Variants in SMCO2 observed in about 807,000 individuals in gnomAD.
The protein encoded by SMCO2 is single-pass membrane protein with coiled-coil domains 2, also known as single-pass membrane and coiled-coil domain-containing protein 2.
A neutral mutation model predicts 29.5 loss-of-function variants in SMCO2; 25 were observed. That is an observed-to-expected ratio of 0.85 (90% CI 0.62 to 1.18). The LOEUF is 1.18. Ranked by LOEUF, SMCO2 falls within the 50% of genes most tolerant of loss-of-function variation. The probability of loss-of-function intolerance (pLI) is 0.00; values close to 1 mark genes in which losing one functional copy is unlikely to be tolerated. For missense variants in SMCO2, 348 were observed against 344.5 expected, an observed-to-expected ratio of 1.01 and a Z score of -0.08; for synonymous variants, 117 against 123.3, an observed-to-expected ratio of 0.95 and a Z score of 0.34.
intron 7 of SMCO2, among the ~76,000 whole-genome samples, chr12:27,500,275 G>T (rs550912751): frequency 6.7e-5 from 10 of 149,816 alleles, no homozygotes; most frequent in African/African-American, 2.5e-4. Flanking sequence ...TTACTGTCAA[G>T]AAATAAATAT....
intron 7 of SMCO2, chr12:27,498,327 G>C (rs1444668903): frequency 4.4e-6 from 1 of 228,166 alleles, no homozygotes; most frequent in East Asian, 1.1e-4. Context: ...GAGAAAGAAT[G>C]GAAACTAGGC....
At chr12:27,433,177 CGT>C in the SMCO2 span, among the ~76,000 whole-genome samples, 8 of 151,294 alleles carry the variant, frequency 5.3e-5, 1 homozygote, top group South Asian at 1.5e-3. Flanking sequence ...CACATATAGA[CGT>C]GTGTGTGTGT....
At chr12:27,481,117 C>T (rs962074548) in intron 4 of SMCO2, among the ~76,000 whole-genome samples, 9 of 152,126 alleles carry the variant, frequency 5.9e-5, no homozygotes, top group African/African-American at 1.7e-4. Flanking sequence ...AGAGGGATGT[C>T]GGCAGGGCTT....
the SMCO2 span, among the ~76,000 whole-genome samples, chr12:27,442,336 CAA>C: frequency 1.3e-5 from 2 of 151,914 alleles, no homozygotes; most frequent in South Asian, 4.1e-4. Flanking sequence ...GAAAGAGACT[CAA>C]ATAAATAAAA....
chr12:27,427,040 C>T, the SMCO2 span, among the ~76,000 whole-genome samples: 4,409 of 152,258 alleles, frequency 0.029, 98 homozygotes, highest in Non-Finnish European at 0.046. Context: ...TCTTAAGAGA[C>T]TACAGTTTGG....
chr12:27,423,449 C>T, the SMCO2 span: 1 of 151,562 alleles, frequency 6.6e-6, no homozygotes, highest in Non-Finnish European at 1.5e-5. Flanking sequence ...GCCTCAGCCT[C>T]CAGAGCAGCT....
At chr12:27,481,448 A>G (rs1949642710) in intron 4 of SMCO2, among the ~76,000 whole-genome samples, 1 of 152,146 alleles carries the variant, frequency 6.6e-6, no homozygotes, top group African/African-American at 2.4e-5. Flanking sequence ...CTTTTCTTGT[A>G]ATGTCTAGTT....
At chr12:27,471,703 A>G (rs1949542694) in intron 2 of SMCO2, among the ~76,000 whole-genome samples, 2 of 152,164 alleles carry the variant, frequency 1.3e-5, no homozygotes, top group Non-Finnish European at 2.9e-5. Flanking sequence ...AAAATACTCA[A>G]CCTCACACAT....
intron 5 of SMCO2, among the ~76,000 whole-genome samples, chr12:27,492,207 G>A (rs186767770): frequency 2.0e-5 from 3 of 152,026 alleles, no homozygotes; most frequent in African/African-American, 4.8e-5. Context: ...GGCACTTAGC[G>A]TATTTTCTTC....
the SMCO2 span, among the ~76,000 whole-genome samples, chr12:27,460,098 G>A: frequency 1.3e-5 from 2 of 152,168 alleles, no homozygotes; most frequent in African/African-American, 4.8e-5. Flanking sequence ...TATGTAACAT[G>A]TATTACCAAT....
chr12:27,491,939 A>C (rs1246342714), intron 5 of SMCO2, among the ~76,000 whole-genome samples: 1 of 151,898 alleles, frequency 6.6e-6, no homozygotes, highest in African/African-American at 2.4e-5. Flanking sequence ...TGAACTCCCG[A>C]CCTCAAGCGA....
At chr12:27,442,779 C>T in the SMCO2 span, among the ~76,000 whole-genome samples, 1 of 152,170 alleles carries the variant, frequency 6.6e-6, no homozygotes, top group African/African-American at 2.4e-5. Context: ...CGCCACAACA[C>T]CCAGCCAATT....
chr12:27,456,773 C>G, the SMCO2 span, among the ~76,000 whole-genome samples: 2 of 152,102 alleles, frequency 1.3e-5, no homozygotes, highest in Non-Finnish European at 2.9e-5. Flanking sequence ...GGTTCCCAAC[C>G]CCCAGGCTGT....
intron 3 of SMCO2, 151 bp downstream of exon 3, chr12:27,473,026 A>G (rs1466671396): frequency 1.6e-6 from 1 of 616,932 alleles, no homozygotes. Context: ...ATCAGGAGGG[A>G]GGCAGGGAAT....
chr12:27,480,264 C>T (rs1949630352), intron 4 of SMCO2, among the ~76,000 whole-genome samples: 1 of 152,194 alleles, frequency 6.6e-6, no homozygotes, highest in Non-Finnish European at 1.5e-5. Context: ...GGATGGTGTC[C>T]ACCCACACTG....
the SMCO2 span, among the ~76,000 whole-genome samples, chr12:27,452,949 G>T: frequency 2.0e-5 from 3 of 152,228 alleles, no homozygotes; most frequent in South Asian, 6.2e-4. Context: ...TAGGCCCATG[G>T]TTGTAAAAAT....
chr12:27,469,582 G>C (rs1949524770), intron 1 of SMCO2, among the ~76,000 whole-genome samples: 2 of 152,170 alleles, frequency 1.3e-5, no homozygotes, highest in East Asian at 1.9e-4. Context: ...TGTCCCTCAG[G>C]GTGCTGGGAG....
chr12:27,435,299 C>G, the SMCO2 span, among the ~76,000 whole-genome samples: 10 of 16,564 alleles, frequency 6.0e-4, 1 homozygote, highest in African/African-American at 1.6e-3. Context: ...CCCCCCCCCC[C>G]CCCGGCAATT....
At chr12:27,477,370 CTCTTTG>C (rs1467900045) in intron 4 of SMCO2, among the ~76,000 whole-genome samples, 1 of 151,798 alleles carries the variant, frequency 6.6e-6, no homozygotes. Flanking sequence ...TTAGAATTCT[CTCTTTG>C]TCTTTGATTT....
Sources: allele counts gnomAD v4.1 joint callset (sites outside exome capture counted in the v4.1 genomes callset), GRCh38; gene constraint gnomAD v4.1.1; transcripts MANE v1.5; gene names NCBI Gene and HGNC (gene_info 2026-07-23, HGNC 2026-07-21).